The following ENPP1 variants were observed in gnomAD, a reference collection of about 807,000 sequenced individuals.
ENPP1 encodes ectonucleotide pyrophosphatase/phosphodiesterase family member 1.
In ENPP1, 73 loss-of-function variants were observed where a neutral mutation model predicts 122.8. That is an observed-to-expected ratio of 0.59 (90% CI 0.49 to 0.72). ENPP1 has a LOEUF of 0.72. ENPP1 is among the 30% of genes least tolerant of loss of function. The pLI, the probability that ENPP1 is intolerant of heterozygous loss-of-function variation, is 0.00. For missense variants in ENPP1, 978 were observed against 1,128.1 expected (o/e 0.87, Z 1.91); for synonymous variants, 367 against 391.6 (o/e 0.94, Z 0.74).
In ENPP1 at chr6:131,892,416, A is replaced by G. The variant is rs1292578916; in HGVS notation, c.*1905A>G. 1 of 152,188 alleles carries G rather than the reference A, an allele frequency of 6.6e-6. No homozygotes were observed. The highest frequency in any genetic ancestry group is 2.4e-5 in the African/African-American group (1 of 41,446). 9.4% of individuals were successfully genotyped at this position (152,188 alleles called of 1,614,324 possible). A position where few individuals can be genotyped will look rare whatever the true frequency, so the allele number is the denominator to read the frequency against. On this transcript the variant is annotated 3_prime_UTR_variant, in exon 25 of 25. Transcript: ENST00000647893. ...CCCCTCATTACTACTGGGCAAGGTG[A>G]GAATTCAGTTTCCCATTAGGTCTTT...
At chr6:131,852,728 AG>A (rs1356004971) in intron 5 of ENPP1, among the ~76,000 whole-genome samples, 2 of 152,182 alleles carry the variant, frequency 1.3e-5, no homozygotes, top group African/African-American at 4.8e-5. Context: ...TTTCCTTTTC[AG>A]GAAGGAAGGA....
At position 131,848,298 on chromosome 6, in the gene ENPP1, A is replaced by G. The variant is rs79584344; in HGVS notation, c.313+450A>G. ...ATGATATTTTTTTAAACTTCTAGAT[A>G]TATTTTTCTTTCCATCAATTGCAGA... is the stretch of plus-strand genomic sequence containing the variant. On this transcript the variant is annotated intron_variant, in intron 2 of 24. Transcript: ENST00000647893. 7.7e-3 allele frequency among the ~76,000 whole-genome samples: 1,174 copies of G among 152,266 alleles called. 11 individuals are homozygous for G. The highest frequency in any genetic ancestry group is 0.027 in the African/African-American group (1,117 of 41,550).
chr6:131,837,853 A>C (rs1225055716), intron 1 of ENPP1, among the ~76,000 whole-genome samples: 1 of 152,182 alleles, frequency 6.6e-6, no homozygotes, highest in Non-Finnish European at 1.5e-5. Context: ...AGTGTCTTCT[A>C]CCATGTCTCT....
intron 5 of ENPP1, among the ~76,000 whole-genome samples, chr6:131,854,648 T>C (rs540077258): frequency 6.6e-6 from 1 of 152,288 alleles, no homozygotes; most frequent in East Asian, 1.9e-4. Context: ...CCATGAATGA[T>C]GTTTCTGTAT....
intron 17 of ENPP1, 41 bp from the exon 18 acceptor site, chr6:131,876,951 T>C: frequency 1.9e-6 from 3 of 1,596,438 alleles, no homozygotes; most frequent in Admixed American, 1.7e-5. Context: ...TTTGTTTGAT[T>C]TGAAACATCT....
At chr6:131,876,865 CTTTTA>C (rs1782235519) in intron 17 of ENPP1, 122 bp from the exon 18 acceptor site, 2 of 828,610 alleles carry the variant, frequency 2.4e-6, no homozygotes, top group Non-Finnish European at 4.0e-6. Context: ...GAGTTTTATA[CTTTTA>C]TTTTAGTTAA....
chr6:131,815,533 A>G (rs1781402723), intron 1 of ENPP1, among the ~76,000 whole-genome samples: 1 of 152,152 alleles, frequency 6.6e-6, no homozygotes, highest in African/African-American at 2.4e-5. Context: ...TCACTTGTTT[A>G]GTTAACTTTG....
At chr6:131,816,806 T>C (rs994060787) in intron 1 of ENPP1, among the ~76,000 whole-genome samples, 6 of 152,206 alleles carry the variant, frequency 3.9e-5, no homozygotes, top group African/African-American at 1.4e-4. Context: ...AAAAAGCATT[T>C]CCCATATATT....
At chr6:131,826,287 A>T (rs1781545420) in intron 1 of ENPP1, 11 of 1,337,416 alleles carry the variant, frequency 8.2e-6, no homozygotes, top group Non-Finnish European at 1.2e-5. Flanking sequence ...ACTGCAAATT[A>T]CTCAGATACT....
intron 1 of ENPP1, among the ~76,000 whole-genome samples, chr6:131,825,095 A>G (rs1781530870): frequency 6.6e-6 from 1 of 152,052 alleles, no homozygotes; most frequent in South Asian, 2.1e-4. Context: ...AATTGAAAGC[A>G]ATTGGAAATC....
chr6:131,818,740 G>A (rs972628318), intron 1 of ENPP1, among the ~76,000 whole-genome samples: 3 of 152,168 alleles, frequency 2.0e-5, no homozygotes, highest in African/African-American at 7.2e-5. Context: ...ACAATTGGAA[G>A]TATGCATGTA....
chr6:131,869,268 T>G, intron 12 of ENPP1, 90 bp from the exon 13 acceptor site: 2 of 1,329,450 alleles, frequency 1.5e-6, no homozygotes, highest in South Asian at 1.2e-5. Flanking sequence ...GTTTAACGAA[T>G]TTAACCTTGG....
At position 131,861,667 on chromosome 6, in the gene ENPP1, A is replaced by G; in HGVS notation, c.988A>G (p.Asn330Asp). The G allele has an allele frequency of 1.2e-6, 2 of 1,613,280 alleles. No individual in the cohort carries two copies. The highest frequency in any genetic ancestry group is 1.7e-6 in the Non-Finnish European group (2 of 1,179,250). The change falls in exon 9 of 25, where the codon AAC becomes GAC. Residue 330 changes from asparagine (N) to aspartate (D), a missense_variant. Physicochemically the swap from Asn to Asp is conservative, Grantham distance 23. Coordinates refer to ENST00000647893, the MANE Select transcript of ENPP1 (RefSeq NM_006208.3). ...CTGGCCAGGATCAGATGTGGAAATT[A>G]ACGGAATTTTCCCAGACATCTATAA... ...FFWPGSDVEI[N>D]GIFPDIYKMY...
chr6:131,853,695 A>G (rs967139415), intron 5 of ENPP1, among the ~76,000 whole-genome samples: 1 of 152,180 alleles, frequency 6.6e-6, no homozygotes, highest in African/African-American at 2.4e-5. Flanking sequence ...GGGAGGAGGC[A>G]GAGTTGAAAA....
At position 131,882,395 on chromosome 6, in the gene ENPP1, A is replaced by G. The variant is rs1305814260; in HGVS notation, c.2151A>G (p.Arg717=). 6.2e-7 allele frequency: 1 copy of G among 1,604,944 alleles called. No individual in the cohort carries two copies. Among genetic ancestry groups the G allele is most frequent in the African/African-American group, 1.3e-5 (1 of 74,696 alleles). The change falls in exon 21 of 25, where the codon AGA becomes AGG. Residue 717 remains arginine (R), a synonymous_variant. Coordinates refer to ENST00000647893, the MANE Select transcript of ENPP1 (RefSeq NM_006208.3). ...CCAACTGTCTGTACCAGGACTTTAG[A>G]ATTCCTCTTAGTCCTGTCCATAAAT... ...DFSNCLYQDF[R]IPLSPVHKCS... is the part of the protein sequence containing the mutation.
chr6:131,850,122 G>GA lies in ENPP1; in HGVS notation c.430+22dup. On this transcript the variant is annotated intron_variant, in intron 3 of 24. Coordinates refer to ENST00000647893, the MANE Select transcript of ENPP1 (RefSeq NM_006208.3). ...ATAGAACCAGGTAAGGATGAGCAGG[G>GA]AAAAAAGTGGAGTTATGGTCATTAG... The GA allele has an allele frequency of 6.7e-7, 1 of 1,488,136 alleles. No individual in the cohort carries two copies. The highest frequency in any genetic ancestry group is 9.4e-7 in the Non-Finnish European group (1 of 1,064,968). The allele number at this position is 1,488,136 out of a possible 1,614,324, so 92.2% of individuals were successfully genotyped here.
At chr6:131,850,783 G>A (rs531685835) in intron 3 of ENPP1, among the ~76,000 whole-genome samples, 76 of 152,214 alleles carry the variant, frequency 5.0e-4, no homozygotes, top group African/African-American at 1.6e-3. Context: ...TGCCCAGGTT[G>A]ATCCCAAACT....
chr6:131,850,241 A>G, intron 3 of ENPP1, 135 bp downstream of exon 3: 1 of 699,160 alleles, frequency 1.4e-6, no homozygotes, highest in South Asian at 1.6e-5. Flanking sequence ...ACGTTTTGAC[A>G]TTAGCTTTTA....
At chr6:131,827,420 C>T in intron 1 of ENPP1, 1 of 709,742 alleles carries the variant, frequency 1.4e-6, no homozygotes, top group Non-Finnish European at 2.6e-6. Flanking sequence ...GCATCCACCA[C>T]AGCCTGTAGG....
Sources: gnomAD v4.1 joint callset for allele counts (sites outside exome capture counted in the v4.1 genomes callset) on GRCh38, gnomAD v4.1.1 for gene constraint, MANE v1.5 for transcripts, NCBI Gene and HGNC (gene_info 2026-07-23, HGNC 2026-07-21) for gene names.